The following PAPSS1 variants were observed in gnomAD, a reference collection of about 807,000 sequenced individuals.
The protein encoded by PAPSS1 is bifunctional 3'-phosphoadenosine 5'-phosphosulfate synthase 1.
Under a neutral mutation model 72.0 loss-of-function variants are expected in PAPSS1, and 50 were observed. That is an observed-to-expected ratio of 0.69 (90% CI 0.55 to 0.88). The LOEUF (loss-of-function observed/expected upper bound fraction) is 0.88, where lower values mean the gene tolerates loss of function less well. Among genes scored for constraint, PAPSS1 ranks in the 40% least tolerant of loss-of-function variants. PAPSS1 has a pLI of 0.00. For synonymous variants in PAPSS1, 261 were observed against 263.6 expected, an observed-to-expected ratio of 0.99 and a Z score of 0.09; for missense variants, 657 against 782.2, an observed-to-expected ratio of 0.84 and a Z score of 1.91.
intron 5 of PAPSS1, among the ~76,000 whole-genome samples, chr4:107,663,703 T>G (rs1727246986): frequency 6.6e-6 from 1 of 152,200 alleles, no homozygotes; most frequent in Non-Finnish European, 1.5e-5. Flanking sequence ...GCTTGCTACA[T>G]GCCAGGAACT....
intron 3 of PAPSS1, among the ~76,000 whole-genome samples, chr4:107,689,375 A>T (rs1302198825): frequency 6.6e-6 from 1 of 151,812 alleles, no homozygotes; most frequent in African/African-American, 2.4e-5. Flanking sequence ...GCAACACTCA[A>T]CCCCTCTCTT....
intron 10 of PAPSS1, among the ~76,000 whole-genome samples, chr4:107,632,065 A>ATCC (rs1726238236): frequency 6.6e-6 from 1 of 152,156 alleles, no homozygotes; most frequent in Non-Finnish European, 1.5e-5. Flanking sequence ...AAAAGCATAT[A>ATCC]TCCACAAATA....
At position 107,631,702 on chromosome 4, in the gene PAPSS1, CAAAGTGA is replaced by C. The variant is rs778189440; in HGVS notation, c.1658_1664del (p.Ile553ArgfsTer3). On this transcript the variant is annotated frameshift_variant, in exon 11 of 12. Coordinates refer to ENST00000265174, the MANE Select transcript of PAPSS1 (RefSeq NM_005443.5). LOFTEE classifies it high-confidence loss of function. The stretch of plus-strand genomic sequence containing the variant: ...CTGCAACTCGAAAGGGAACTATTTC[CAAAGTGA>C]TTAAACCAGGGGCCATCGTCAGCAC... The C allele has an allele frequency of 3.1e-6, 5 of 1,614,036 alleles. No individual in the cohort carries two copies. The South Asian group carries it at 4.4e-5, about 14-fold the overall frequency.
At chr4:107,663,539 C>T (rs941134708) in intron 5 of PAPSS1, among the ~76,000 whole-genome samples, 2 of 152,184 alleles carry the variant, frequency 1.3e-5, no homozygotes, top group African/African-American at 4.8e-5. Context: ...TTAATCTTCA[C>T]ACAGTCCTAC....
intron 3 of PAPSS1, among the ~76,000 whole-genome samples, chr4:107,692,142 T>A (rs1009718508): frequency 2.0e-5 from 3 of 152,108 alleles, no homozygotes; most frequent in Non-Finnish European, 2.9e-5. Flanking sequence ...GCAAAAGATT[T>A]CATGACAAAA....
intron 1 of PAPSS1, among the ~76,000 whole-genome samples, chr4:107,719,165 G>A (rs1002674726): frequency 9.5e-5 from 14 of 146,662 alleles, no homozygotes; most frequent in African/African-American, 3.0e-4. Context: ...GACTTCCAAA[G>A]AACATTTGCC....
intron 4 of PAPSS1, among the ~76,000 whole-genome samples, chr4:107,684,784 G>A (rs1302562258): frequency 6.8e-6 from 1 of 148,098 alleles, no homozygotes; most frequent in Non-Finnish European, 1.5e-5. Flanking sequence ...GATGTCTCAT[G>A]CCTCTCTAAA....
In PAPSS1 at chr4:107,643,699, G is replaced by A. The variant is rs1279802734; in HGVS notation, c.1506+1103C>T. Among the ~76,000 whole-genome samples, 7 of 152,196 alleles carry A rather than the reference G, an allele frequency of 4.6e-5. No individual in the cohort carries two copies. In the East Asian group the frequency reaches 1.4e-3, roughly 29 times the overall value. On this transcript the variant is annotated intron_variant, in intron 10 of 11. Transcript: ENST00000265174. ...AGTAGTGAATAGAAAGGGGCAAGAA[G>A]AAAAACTTCTGGGTGATGATAAAAA...
intron 10 of PAPSS1, among the ~76,000 whole-genome samples, chr4:107,641,276 G>A (rs1726535241): frequency 6.6e-6 from 1 of 152,078 alleles, no homozygotes; most frequent in Non-Finnish European, 1.5e-5. Flanking sequence ...GATGATCCTG[G>A]CCTGCCTTCA....
chr4:107,670,350 T>G (rs1433268814), intron 5 of PAPSS1, among the ~76,000 whole-genome samples: 1 of 151,916 alleles, frequency 6.6e-6, no homozygotes, highest in African/African-American at 2.4e-5. Context: ...TACAAATAAA[T>G]TAGGAGGAAG....
At chr4:107,670,882 T>G (rs1411755486) in intron 5 of PAPSS1, among the ~76,000 whole-genome samples, 1 of 152,036 alleles carries the variant, frequency 6.6e-6, no homozygotes, top group Non-Finnish European at 1.5e-5. Flanking sequence ...AATGGAAAAA[T>G]CAGTAAGTGT....
intron 4 of PAPSS1, among the ~76,000 whole-genome samples, chr4:107,683,359 G>T (rs1722684781): frequency 4.2e-5 from 2 of 47,496 alleles, no homozygotes; most frequent in Non-Finnish European, 1.6e-4. Flanking sequence ...CAAGAAAATG[G>T]CTGGGAAAAA....
chr4:107,660,186 A>G (rs1727140470), intron 5 of PAPSS1, 114 bp from the exon 6 acceptor site: 12 of 593,830 alleles, frequency 2.0e-5, no homozygotes, highest in Middle Eastern at 4.5e-4. Flanking sequence ...AGCATAAAAG[A>G]AGGCTGTGAG....
At chr4:107,684,486 AT>A (rs1194628175) in intron 4 of PAPSS1, among the ~76,000 whole-genome samples, 1 of 151,964 alleles carries the variant, frequency 6.6e-6, no homozygotes, top group Non-Finnish European at 1.5e-5. Flanking sequence ...ACAAAACTAT[AT>A]TTTTTTCTTC....
At chr4:107,684,288 A>C (rs1392518725) in intron 4 of PAPSS1, among the ~76,000 whole-genome samples, 1 of 152,168 alleles carries the variant, frequency 6.6e-6, no homozygotes, top group Non-Finnish European at 1.5e-5. Context: ...ACAAATTTTC[A>C]TCAGATAGGT....
At chr4:107,687,595 C>A (rs949268840) in intron 3 of PAPSS1, among the ~76,000 whole-genome samples, 3 of 152,144 alleles carry the variant, frequency 2.0e-5, no homozygotes, top group African/African-American at 7.2e-5. Context: ...TAGTTTACTT[C>A]TTTGCCAAAT....
chr4:107,675,706 C>G (rs1189934584), intron 5 of PAPSS1, among the ~76,000 whole-genome samples: 2 of 152,130 alleles, frequency 1.3e-5, no homozygotes, highest in Non-Finnish European at 1.5e-5. Context: ...CATCCTGCTA[C>G]CAAAGCCTGG....
intron 8 of PAPSS1, among the ~76,000 whole-genome samples, chr4:107,654,363 A>T (rs75412152): frequency 1.3e-3 from 194 of 152,282 alleles, no homozygotes; most frequent in African/African-American, 4.4e-3. Context: ...TCACACGCTC[A>T]TTATAAGTAC....
chr4:107,688,392 C>A (rs1012656213), intron 3 of PAPSS1, among the ~76,000 whole-genome samples: 3 of 152,184 alleles, frequency 2.0e-5, no homozygotes, highest in African/African-American at 7.2e-5. Context: ...CTGTAACACA[C>A]TACAATTGTG....
Sources: allele counts gnomAD v4.1 joint callset (sites outside exome capture counted in the v4.1 genomes callset), GRCh38; gene constraint gnomAD v4.1.1; transcripts MANE v1.5; gene names NCBI Gene and HGNC (gene_info 2026-07-23, HGNC 2026-07-21).